Variants in AGAP1 observed in about 807,000 individuals in gnomAD.
AGAP1 encodes arf-GAP with GTPase, ANK repeat and PH domain-containing protein 1.
AGAP1 carries 29 observed loss-of-function variants against 105.3 expected under a neutral mutation model. The observed-to-expected ratio is 0.28, with a 90% confidence interval of 0.21 to 0.38. The LOEUF (loss-of-function observed/expected upper bound fraction) is 0.38, where lower values mean the gene tolerates loss of function less well. AGAP1 is among the 10% of genes least tolerant of loss of function. AGAP1 has a pLI of 1.00. For synonymous variants in AGAP1, 509 were observed against 485.9 expected (o/e 1.05, Z -0.63); for missense variants, 998 against 1,165.1 (o/e 0.86, Z 2.09).
Position 235,983,126 on chromosome 2 carries a change from G to C in AGAP1, c.1645+14503G>C, listed in dbSNP as rs537295773. Among the ~76,000 whole-genome samples the C allele has an allele frequency of 6.6e-6, 1 of 152,192 alleles. No homozygotes were observed. Among genetic ancestry groups the C allele is most frequent in the Non-Finnish European group, 1.5e-5 (1 of 68,034 alleles). On this transcript the variant is annotated intron_variant, in intron 13 of 17. Transcript: ENST00000304032. This position sits in a 1 kb window ranked among gnomAD's most constrained non-coding sequence, Gnocchi z 4.5. ...TGCTGAGCAGGAAGCTGGCCTCAGG[G>C]GTCTCCCAGGATGCTGGGGCTGGTG... is the stretch of plus-strand genomic sequence containing the variant.
In AGAP1 at chr2:235,882,961, C is replaced by T. The variant is rs552088154; in HGVS notation, c.1051-384C>T. Among the ~76,000 whole-genome samples, 67 of 152,154 alleles carry T rather than the reference C, an allele frequency of 4.4e-4. 3 individuals are homozygous for T. The highest frequency in any genetic ancestry group is 8.5e-4 in the Admixed American group (13 of 15,278). On this transcript the variant is annotated intron_variant, in intron 9 of 17. Coordinates refer to ENST00000304032, the MANE Select transcript of AGAP1 (RefSeq NM_001037131.3). The surrounding 1 kb of genome is among the most constrained non-coding windows in gnomAD (Gnocchi z 4.6). ...CCACGTAACTGGGATTACAGAAGCACACCACCGTGCCCAGCTAATTTTATT... is the reference window on the plus strand; with the variant it reads ...CCACGTAACTGGGATTACAGAAGCATACCACCGTGCCCAGCTAATTTTATT...
intron 12 of AGAP1, among the ~76,000 whole-genome samples, chr2:235,955,636 T>C (rs918037027): frequency 6.6e-6 from 1 of 152,258 alleles, no homozygotes; most frequent in African/African-American, 2.4e-5. Context: ...TTATCTTCTA[T>C]GACATATAAC....
chr2:235,762,879 A>T (rs986116866), intron 6 of AGAP1, among the ~76,000 whole-genome samples: 3 of 152,178 alleles, frequency 2.0e-5, no homozygotes, highest in African/African-American at 4.8e-5. Flanking sequence ...TCTCAAAAAA[A>T]CAGGAAAGAA....
chr2:235,562,222 ATT>A (rs1309202309), intron 1 of AGAP1, among the ~76,000 whole-genome samples: 2 of 151,976 alleles, frequency 1.3e-5, no homozygotes, highest in African/African-American at 4.8e-5. Flanking sequence ...CTGTACCTTT[ATT>A]TTCTCATGCC....
chr2:236,115,983 T>G (rs1392225139), intron 16 of AGAP1, among the ~76,000 whole-genome samples: 2 of 152,116 alleles, frequency 1.3e-5, no homozygotes, highest in Non-Finnish European at 2.9e-5. Context: ...TTTTGTATTT[T>G]TAGTAGAGAC....
In AGAP1 at chr2:235,976,451, G is replaced by T. The variant is rs1007935906; in HGVS notation, c.1645+7828G>T. 6.6e-6 allele frequency among the ~76,000 whole-genome samples: 1 copy of T among 152,202 alleles called. No homozygotes were observed. On this transcript the variant is annotated intron_variant, in intron 13 of 17. Coordinates refer to ENST00000304032, the MANE Select transcript of AGAP1 (RefSeq NM_001037131.3). This position sits in a 1 kb window ranked among gnomAD's most constrained non-coding sequence, Gnocchi z 4.5. ...GGTCGGAAATAAACAAAGATGAGTC[G>T]ATCACAGCAGGGGCAGCCAGAACGG...
chr2:235,886,281 A>G (rs1273339271), intron 10 of AGAP1, among the ~76,000 whole-genome samples: 1 of 152,260 alleles, frequency 6.6e-6, no homozygotes, highest in African/African-American at 2.4e-5. Context: ...AGACTCACTG[A>G]CCAGTAAAAA....
chr2:235,811,292 A>C (rs558870239), intron 9 of AGAP1, among the ~76,000 whole-genome samples: 2 of 152,376 alleles, frequency 1.3e-5, no homozygotes, highest in African/African-American at 4.8e-5. Context: ...CAGGCTGCAT[A>C]AACCGTTCAA....
rs1409457981 is a variant in AGAP1, at chr2:235,655,747, A to G, written c.164-53432A>G. ...CTTATTTTGTGAAGAAAGGATCTTT[A>G]GTGCCACGTGTGTATTTTTAACACA... On this transcript the variant is annotated intron_variant, in intron 1 of 17. Transcript: ENST00000304032. This position sits in a 1 kb window ranked among gnomAD's most constrained non-coding sequence, Gnocchi z 4.3. Among the ~76,000 whole-genome samples, 1 of 152,216 alleles carries G rather than the reference A, an allele frequency of 6.6e-6. No homozygotes were observed. Among genetic ancestry groups the G allele is most frequent in the African/African-American group, 2.4e-5 (1 of 41,442 alleles).
At chr2:235,808,804 A>G (rs745484903) in intron 9 of AGAP1, among the ~76,000 whole-genome samples, 4 of 152,108 alleles carry the variant, frequency 2.6e-5, no homozygotes, top group Non-Finnish European at 5.9e-5. Context: ...CATATATTCA[A>G]AGACAACAAC....
rs2058710452 is a variant in AGAP1, at chr2:236,078,871, G to A, written c.2114+29590G>A. ...GGTTAAGTGGGTGGCCACACCCACT[G>A]CCTTTCCTTTCTCACTTCCAGCTCT... is the stretch of plus-strand genomic sequence containing the variant. On this transcript the variant is annotated intron_variant, in intron 16 of 17. Coordinates refer to ENST00000304032, the MANE Select transcript of AGAP1 (RefSeq NM_001037131.3). This position sits in a 1 kb window ranked among gnomAD's most constrained non-coding sequence, Gnocchi z 5.3. Among the ~76,000 whole-genome samples, 1 of 152,216 alleles carries A rather than the reference G, an allele frequency of 6.6e-6. No individual in the cohort carries two copies. The highest frequency in any genetic ancestry group is 2.4e-5 in the African/African-American group (1 of 41,454).
rs2056202971 is a variant in AGAP1, at chr2:236,003,392, C to G, written c.1646-33169C>G. Reference sequence around the variant, plus strand: ...TCTTTGTCCTTTGGAGGGCCTTGACCTCACGCAGCAGGGGAGGATGCTGGC... The same window carrying G: ...TCTTTGTCCTTTGGAGGGCCTTGACGTCACGCAGCAGGGGAGGATGCTGGC... On this transcript the variant is annotated intron_variant, in intron 13 of 17. Coordinates refer to ENST00000304032, the MANE Select transcript of AGAP1 (RefSeq NM_001037131.3). The surrounding 1 kb of genome is among the most constrained non-coding windows in gnomAD (Gnocchi z 4.2). Among the ~76,000 whole-genome samples the G allele has an allele frequency of 6.6e-6, 1 of 152,164 alleles. No homozygotes were observed. The highest frequency in any genetic ancestry group is 1.9e-4 in the East Asian group (1 of 5,190).
At chr2:235,629,765 C>G (rs574715631) in intron 1 of AGAP1, among the ~76,000 whole-genome samples, 2 of 151,074 alleles carry the variant, frequency 1.3e-5, no homozygotes, top group South Asian at 4.2e-4. Flanking sequence ...GTAGTCCCAG[C>G]CCCTCTGGAG....
chr2:236,120,175 C>T lies in AGAP1; in HGVS notation c.2115-17C>T. On this transcript the variant is annotated splice_polypyrimidine_tract_variant and intron_variant, in intron 16 of 17. Coordinates refer to ENST00000304032, the MANE Select transcript of AGAP1 (RefSeq NM_001037131.3). The surrounding 1 kb of genome is among the most constrained non-coding windows in gnomAD (Gnocchi z 6.0). The stretch of plus-strand genomic sequence containing the variant: ...CGGGCCTGATCGTGACTGCACCTGT[C>T]TGGTGGCTCTTTGCAGGGAAGAGAA... 2 of 1,600,684 alleles carry T rather than the reference C, an allele frequency of 1.2e-6. No homozygotes were observed. Among genetic ancestry groups the T allele is most frequent in the Non-Finnish European group, 1.7e-6 (2 of 1,172,282 alleles).
chr2:235,910,914 C>CAA (rs568071560), intron 11 of AGAP1, among the ~76,000 whole-genome samples: 12 of 141,604 alleles, frequency 8.5e-5, no homozygotes, highest in African/African-American at 3.1e-4. Context: ...GACTCCGTCT[C>CAA]AAAAAAAAAA....
rs377139698 is a variant in AGAP1, at chr2:236,031,967, G to T, written c.1646-4594G>T. Among the ~76,000 whole-genome samples, 213 of 152,302 alleles carry T rather than the reference G, an allele frequency of 1.4e-3. 1 individual carries two copies. Among genetic ancestry groups the T allele is most frequent in the African/African-American group, 4.7e-3 (197 of 41,556 alleles). ...CGTTCTGGGCCTGCCGTTCACTGCA[G>T]TCCTTCAGCCTTTTCATATTTGTAG... On this transcript the variant is annotated intron_variant, in intron 13 of 17. Transcript: ENST00000304032.
intron 9 of AGAP1, among the ~76,000 whole-genome samples, chr2:235,848,367 G>A (rs935015453): frequency 6.6e-6 from 1 of 152,192 alleles, no homozygotes; most frequent in Non-Finnish European, 1.5e-5. Context: ...GTCCATGCAA[G>A]GTAAATGAAT....
intron 1 of AGAP1, among the ~76,000 whole-genome samples, chr2:235,628,907 G>A (rs939004156): frequency 2.6e-5 from 4 of 152,042 alleles, no homozygotes; most frequent in Admixed American, 1.3e-4. Context: ...TGCCTCTCGG[G>A]TTCAAGCAAT....
At chr2:235,510,894 G>A (rs1216750757) in intron 1 of AGAP1, among the ~76,000 whole-genome samples, 8 of 151,130 alleles carry the variant, frequency 5.3e-5, no homozygotes, top group Non-Finnish European at 1.0e-4. Context: ...CAAGGGAGCA[G>A]AGCCAGTGTG....
Sources: gnomAD v4.1 joint callset for allele counts (sites outside exome capture counted in the v4.1 genomes callset) on GRCh38, gnomAD v4.1.1 for gene constraint, Gnocchi (gnomAD v3.1) non-coding constraint, MANE v1.5 for transcripts, NCBI Gene and HGNC (gene_info 2026-07-23, HGNC 2026-07-21) for gene names.